Variants in TMCO4 observed in about 807,000 individuals in gnomAD.
TMCO4 encodes transmembrane and coiled-coil domains 4, also known as transmembrane and coiled-coil domain-containing protein 4.
In TMCO4, 58 loss-of-function variants were observed where a neutral mutation model predicts 64.7. That is an observed-to-expected ratio of 0.90 (90% CI 0.73 to 1.12). The LOEUF (loss-of-function observed/expected upper bound fraction) is 1.12, where lower values mean the gene tolerates loss of function less well. Among genes scored for constraint, TMCO4 ranks in the 50% most tolerant of loss-of-function variants. TMCO4 has a pLI of 0.00. For missense variants in TMCO4, 780 were observed against 825.9 expected (o/e 0.94, Z 0.68); for synonymous variants, 325 against 346.1 (o/e 0.94, Z 0.68).
chr1:19,789,985 C>T (rs894396244), intron 2 of TMCO4, among the ~76,000 whole-genome samples: 48 of 147,098 alleles, frequency 3.3e-4, no homozygotes, highest in African/African-American at 9.3e-4. Context: ...TCTTGGGGGT[C>T]GAGGCTGCAG....
chr1:19,779,846 T>C (rs573331250), intron 4 of TMCO4, among the ~76,000 whole-genome samples: 5 of 152,240 alleles, frequency 3.3e-5, no homozygotes, highest in Non-Finnish European at 5.9e-5. Flanking sequence ...GGGGATGGTA[T>C]CTGTCTCATT....
At chr1:19,711,153 C>T (rs2095329096) in intron 13 of TMCO4, among the ~76,000 whole-genome samples, 1 of 152,218 alleles carries the variant, frequency 6.6e-6, no homozygotes, top group Admixed American at 6.5e-5. Context: ...TCTACGTGTA[C>T]CACACATGCC....
intron 15 of TMCO4, among the ~76,000 whole-genome samples, chr1:19,686,547 C>T (rs2095150856): frequency 6.6e-6 from 1 of 152,244 alleles, no homozygotes; most frequent in Non-Finnish European, 1.5e-5. Context: ...GCCCACCTCT[C>T]GTTCCTTTCC....
At chr1:19,789,393 A>G (rs1366280633) in intron 2 of TMCO4, among the ~76,000 whole-genome samples, 1 of 152,090 alleles carries the variant, frequency 6.6e-6, no homozygotes, top group Non-Finnish European at 1.5e-5. Context: ...TGGGCGACAC[A>G]GTGAGACTCT....
chr1:19,734,893 G>A lies in TMCO4; in HGVS notation c.1264+2479C>T, dbSNP rs1267343058. 1.3e-5 allele frequency among the ~76,000 whole-genome samples: 2 copies of A among 152,110 alleles called. No homozygotes were observed. On this transcript the variant is annotated intron_variant, in intron 13 of 15. Coordinates refer to ENST00000294543, the MANE Select transcript of TMCO4 (RefSeq NM_181719.7). The surrounding 1 kb of genome is among the most constrained non-coding windows in gnomAD (Gnocchi z 4.4). ...AACCTCCCTCCTGTGGCTGCAGTGA[G>A]GGAGGAATGTGATCACACTTGCAAG...
intron 6 of TMCO4, 27 bp from the exon 7 acceptor site, chr1:19,755,793 A>G (rs1481487569): frequency 1.9e-6 from 3 of 1,613,786 alleles, no homozygotes; most frequent in Non-Finnish European, 2.5e-6. Flanking sequence ...AACACCGGAA[A>G]AGAATCAGTT....
In TMCO4 at chr1:19,740,881, C is replaced by T; in HGVS notation, c.938G>A (p.Trp313Ter). The change falls in exon 11 of 16, where the codon TGG becomes TAG. Residue 313 changes from tryptophan to a stop codon, truncating the protein, a stop_gained. Transcript: ENST00000294543. LOFTEE classifies it high-confidence loss of function. ...AHSREQYCLA[W>*]EAKYLMELGN... ...GAGCTCCATCAGGTACTTGGCTTCC[C>T]AGGCCAGGCAGTACTGCTCACGGCT... 1 of 1,614,138 alleles carries T rather than the reference C, an allele frequency of 6.2e-7. No homozygotes were observed. Among genetic ancestry groups the T allele is most frequent in the Non-Finnish European group, 8.5e-7 (1 of 1,180,012 alleles).
At chr1:19,763,258 T>C (rs1170447873) in intron 6 of TMCO4, among the ~76,000 whole-genome samples, 1 of 152,106 alleles carries the variant, frequency 6.6e-6, no homozygotes, top group Non-Finnish European at 1.5e-5. Flanking sequence ...GTATTTTTAG[T>C]ACTGATGGGG....
intron 2 of TMCO4, among the ~76,000 whole-genome samples, chr1:19,789,871 G>T (rs1175970051): frequency 1.3e-5 from 2 of 152,150 alleles, no homozygotes; most frequent in East Asian, 3.9e-4. Context: ...TGGGCAACAT[G>T]GCAAAACCCC....
At chr1:19,699,050 G>A (rs540877856) in intron 14 of TMCO4, among the ~76,000 whole-genome samples, 1 of 152,206 alleles carries the variant, frequency 6.6e-6, no homozygotes, top group African/African-American at 2.4e-5. Flanking sequence ...CAATAAATTA[G>A]CCGGGCGTGG....
At chr1:19,779,229 A>T (rs763509670) in intron 4 of TMCO4, among the ~76,000 whole-genome samples, 10 of 152,138 alleles carry the variant, frequency 6.6e-5, no homozygotes, top group Non-Finnish European at 8.8e-5. Flanking sequence ...ACGGTATCTC[A>T]GTGCTCCTAC....
chr1:19,779,616 C>T (rs2043364761), intron 4 of TMCO4, among the ~76,000 whole-genome samples: 1 of 152,196 alleles, frequency 6.6e-6, no homozygotes. Context: ...CATCACAGCA[C>T]TCACTCATCT....
chr1:19,778,088 G>A (rs941022732), intron 4 of TMCO4, among the ~76,000 whole-genome samples: 2 of 152,098 alleles, frequency 1.3e-5, no homozygotes, highest in Non-Finnish European at 2.9e-5. Flanking sequence ...TAAGTGGTAG[G>A]AGTAAGTGTG....
At chr1:19,702,248 C>A (rs375926022) in intron 13 of TMCO4, among the ~76,000 whole-genome samples, 1 of 139,154 alleles carries the variant, frequency 7.2e-6, no homozygotes, top group Non-Finnish European at 1.5e-5. Context: ...GGATTACAGG[C>A]GTGAGCCACC....
intron 13 of TMCO4, among the ~76,000 whole-genome samples, chr1:19,726,470 A>G (rs941959736): frequency 1.7e-4 from 26 of 152,208 alleles, no homozygotes; most frequent in Non-Finnish European, 1.2e-4. Flanking sequence ...TCTTAAAAAA[A>G]AAAAAACACG....
At position 19,709,104 on chromosome 1, in the gene TMCO4, C is replaced by G. The variant is rs1030461612; in HGVS notation, c.1265-8219G>C. On this transcript the variant is annotated intron_variant, in intron 13 of 15. Transcript: ENST00000294543. Reference sequence around the variant, plus strand: ...AGAAAGGGCGGCTTTGACTGTACCCCCAAGCCCCGCAGTGGAATGAGGTTC... The same window carrying G: ...AGAAAGGGCGGCTTTGACTGTACCCGCAAGCCCCGCAGTGGAATGAGGTTC... 2.8e-4 allele frequency among the ~76,000 whole-genome samples: 42 copies of G among 152,144 alleles called. 1 individual carries two copies. Among genetic ancestry groups the G allele is most frequent in the Non-Finnish European group, 4.4e-4 (30 of 68,026 alleles).
At chr1:19,713,730 A>ACAG in intron 13 of TMCO4, among the ~76,000 whole-genome samples, 1 of 150,364 alleles carries the variant, frequency 6.7e-6, no homozygotes, top group South Asian at 2.1e-4. Flanking sequence ...AACAACAACA[A>ACAG]CAAAAACAAA....
At chr1:19,691,576 A>G (rs565679579) in intron 15 of TMCO4, among the ~76,000 whole-genome samples, 2 of 152,204 alleles carry the variant, frequency 1.3e-5, no homozygotes, top group Non-Finnish European at 2.9e-5. Flanking sequence ...TCTGAGGCCT[A>G]GCTTCATTGG....
chr1:19,761,069 T>C (rs2042481297), intron 6 of TMCO4, among the ~76,000 whole-genome samples: 1 of 152,256 alleles, frequency 6.6e-6, no homozygotes, highest in Admixed American at 6.5e-5. Flanking sequence ...TGAATCCTTA[T>C]GACCCTCTGA....
Sources: gnomAD v4.1 joint callset for allele counts (sites outside exome capture counted in the v4.1 genomes callset) on GRCh38, gnomAD v4.1.1 for gene constraint, Gnocchi (gnomAD v3.1) non-coding constraint, MANE v1.5 for transcripts, NCBI Gene and HGNC (gene_info 2026-07-23, HGNC 2026-07-21) for gene names.